Variants in GABRG3 observed in about 807,000 individuals in gnomAD.
GABRG3 encodes gamma-aminobutyric acid receptor subunit gamma-3.
A neutral mutation model predicts 48.8 loss-of-function variants in GABRG3; 25 were observed. The observed-to-expected ratio is 0.51, with a 90% confidence interval of 0.37 to 0.72. The LOEUF is 0.72. GABRG3 is among the 30% of genes least tolerant of loss of function. GABRG3 has a pLI of 0.00. For synonymous variants in GABRG3, 227 were observed against 217.6 expected, an observed-to-expected ratio of 1.04 and a Z score of -0.38; for missense variants, 394 against 577.9, an observed-to-expected ratio of 0.68 and a Z score of 3.26.
At chr15:27,415,659 T>TA (rs1887919468) in intron 5 of GABRG3, among the ~76,000 whole-genome samples, 1 of 152,010 alleles carries the variant, frequency 6.6e-6, no homozygotes, top group Admixed American at 6.6e-5. Context: ...TACTGACATT[T>TA]AAAAAAATAA....
intron 2 of GABRG3, among the ~76,000 whole-genome samples, chr15:26,978,538 C>T (rs1015788332): frequency 2.0e-5 from 3 of 152,136 alleles, no homozygotes; most frequent in Non-Finnish European, 4.4e-5. Flanking sequence ...CTTTTCCCCA[C>T]CCTCCATGGA....
At chr15:27,031,883 CT>C (rs1366471149) in intron 3 of GABRG3, among the ~76,000 whole-genome samples, 2 of 152,188 alleles carry the variant, frequency 1.3e-5, no homozygotes, top group African/African-American at 4.8e-5. Flanking sequence ...CACCGTGGTG[CT>C]CCTGACCTTG....
intron 3 of GABRG3, among the ~76,000 whole-genome samples, chr15:27,046,647 G>A (rs933202779): frequency 6.6e-6 from 1 of 152,194 alleles, no homozygotes; most frequent in African/African-American, 2.4e-5. Flanking sequence ...TGTATTGATA[G>A]CAAATTCATT....
intron 5 of GABRG3, among the ~76,000 whole-genome samples, chr15:27,372,707 C>T (rs1035290835): frequency 7.2e-5 from 11 of 152,116 alleles, no homozygotes; most frequent in African/African-American, 2.4e-4. Context: ...TTAAGTCCAC[C>T]ACTAAATTTA....
chr15:27,183,544 A>G (rs184193276), intron 3 of GABRG3, among the ~76,000 whole-genome samples: 1 of 152,334 alleles, frequency 6.6e-6, no homozygotes, highest in African/African-American at 2.4e-5. Flanking sequence ...ATAGCACTGG[A>G]CCTTAAAAAA....
At chr15:27,502,514 C>A (rs1890665511) in intron 6 of GABRG3, among the ~76,000 whole-genome samples, 1 of 152,138 alleles carries the variant, frequency 6.6e-6, no homozygotes, top group Admixed American at 6.5e-5. Context: ...ATCAGTTCTG[C>A]AGGGGACACC....
At chr15:27,096,129 C>T (rs1193436897) in intron 3 of GABRG3, among the ~76,000 whole-genome samples, 2 of 152,220 alleles carry the variant, frequency 1.3e-5, no homozygotes, top group East Asian at 1.9e-4. Context: ...TGTTCTTTCA[C>T]GATTCACAGT....
chr15:27,397,310 A>G (rs1887333480), intron 5 of GABRG3, among the ~76,000 whole-genome samples: 1 of 151,646 alleles, frequency 6.6e-6, no homozygotes, highest in Non-Finnish European at 1.5e-5. Flanking sequence ...ATCCTGATAC[A>G]TAGGGAAACG....
chr15:27,020,698 T>G (rs1452505657), intron 2 of GABRG3, among the ~76,000 whole-genome samples: 3 of 152,134 alleles, frequency 2.0e-5, no homozygotes, highest in Non-Finnish European at 4.4e-5. Context: ...ATTACCGGCT[T>G]GAGCCACCGC....
At chr15:27,266,820 AATTGT>A in intron 3 of GABRG3, among the ~76,000 whole-genome samples, 1 of 152,230 alleles carries the variant, frequency 6.6e-6, no homozygotes, top group South Asian at 2.1e-4. Context: ...TTGAACTTCT[AATTGT>A]TTGTGGCTAG....
At position 27,062,464 on chromosome 15, in the gene GABRG3, CTT is replaced by C. The variant is rs1313049459; in HGVS notation, c.270+35644_270+35645del. Among the ~76,000 whole-genome samples, 12 of 59,716 alleles carry C rather than the reference CTT, an allele frequency of 2.0e-4. No individual in the cohort carries two copies. In the South Asian group the frequency reaches 5.2e-3, roughly 26 times the overall value. The allele number at this position is 59,716 out of a possible 152,430, so 39.2% of individuals were successfully genotyped here. On this transcript the variant is annotated intron_variant, in intron 3 of 9. Coordinates refer to ENST00000615808, the MANE Select transcript of GABRG3 (RefSeq NM_033223.5). ...AAAAAAAAAAAAAAAAAAAATTAGCCTTGCATGATGGCAGGTGCCTGTAATCC... is the reference window on the plus strand; with the variant it reads ...AAAAAAAAAAAAAAAAAAAATTAGCCGCATGATGGCAGGTGCCTGTAATCC...
At chr15:27,242,864 A>C (rs971747813) in intron 3 of GABRG3, among the ~76,000 whole-genome samples, 1 of 152,242 alleles carries the variant, frequency 6.6e-6, no homozygotes, top group Admixed American at 6.5e-5. Context: ...TGTCTCTCAG[A>C]GAGATTGGCA....
chr15:27,162,802 C>T (rs1164237037), intron 3 of GABRG3, among the ~76,000 whole-genome samples: 3 of 152,098 alleles, frequency 2.0e-5, no homozygotes, highest in Non-Finnish European at 2.9e-5. Flanking sequence ...GATAAGGGAC[C>T]AGCAGAAAAT....
chr15:27,152,064 C>CT (rs1347104760), intron 3 of GABRG3, among the ~76,000 whole-genome samples: 1 of 152,046 alleles, frequency 6.6e-6, no homozygotes, highest in Non-Finnish European at 1.5e-5. Flanking sequence ...AGAAGTAGAC[C>CT]TTTTTTTATA....
At chr15:27,060,282 G>A (rs190942943) in intron 3 of GABRG3, among the ~76,000 whole-genome samples, 1 of 152,360 alleles carries the variant, frequency 6.6e-6, no homozygotes, top group Non-Finnish European at 1.5e-5. Context: ...TTTGAATGCA[G>A]CCCACTGGCC....
chr15:27,282,559 G>T (rs1258197318), intron 3 of GABRG3, among the ~76,000 whole-genome samples: 1 of 152,010 alleles, frequency 6.6e-6, no homozygotes, highest in African/African-American at 2.4e-5. Flanking sequence ...ATTTCCATTT[G>T]GTTCTACTTT....
chr15:27,153,913 C>T (rs932612376), intron 3 of GABRG3, among the ~76,000 whole-genome samples: 2 of 152,034 alleles, frequency 1.3e-5, no homozygotes, highest in Non-Finnish European at 2.9e-5. Flanking sequence ...TGTGTTTTTT[C>T]TTGCCTTTTG....
At chr15:27,245,408 G>A (rs1278420631) in intron 3 of GABRG3, among the ~76,000 whole-genome samples, 1 of 152,088 alleles carries the variant, frequency 6.6e-6, no homozygotes, top group Non-Finnish European at 1.5e-5. Context: ...TAGATAAATG[G>A]TATGAGTTAT....
At chr15:27,518,660 G>A (rs1891087083) in intron 6 of GABRG3, among the ~76,000 whole-genome samples, 1 of 152,080 alleles carries the variant, frequency 6.6e-6, no homozygotes, top group Admixed American at 6.6e-5. Context: ...TATGCAGATG[G>A]GAAGGAATTC....
Sources: gnomAD v4.1 joint callset for allele counts (sites outside exome capture counted in the v4.1 genomes callset) on GRCh38, gnomAD v4.1.1 for gene constraint, MANE v1.5 for transcripts, NCBI Gene and HGNC (gene_info 2026-07-23, HGNC 2026-07-21) for gene names.